Variants in PHLPP2 observed in about 807,000 individuals in gnomAD.
PHLPP2 encodes the protein PH domain and leucine rich repeat protein phosphatase 2.
A neutral mutation model predicts 124.9 loss-of-function variants in PHLPP2; 66 were observed. That is an observed-to-expected ratio of 0.53 (90% CI 0.43 to 0.65). PHLPP2 has a LOEUF of 0.65. PHLPP2 is among the 30% of genes least tolerant of loss of function. The probability of loss-of-function intolerance (pLI) is 0.00; values close to 1 mark genes in which losing one functional copy is unlikely to be tolerated. For missense variants in PHLPP2, 1,685 were observed against 1,600.4 expected (o/e 1.05, Z -0.90); for synonymous variants, 681 against 624.7 (o/e 1.09, Z -1.34).
chr16:71,650,815 A>G (rs2044690737), intron 18 of PHLPP2, among the ~76,000 whole-genome samples: 1 of 152,242 alleles, frequency 6.6e-6, no homozygotes, highest in Non-Finnish European at 1.5e-5. Context: ...AATTTGTCAT[A>G]AACTCTAAAC....
intron 1 of PHLPP2, among the ~76,000 whole-genome samples, chr16:71,721,289 G>A (rs1172015022): frequency 9.9e-5 from 15 of 151,788 alleles, no homozygotes; most frequent in Non-Finnish European, 2.9e-5. Flanking sequence ...GCCTGGGCAA[G>A]AGAGAGGCTC....
intron 16 of PHLPP2, among the ~76,000 whole-genome samples, chr16:71,656,185 T>C (rs1333546232): frequency 1.3e-5 from 2 of 152,152 alleles, no homozygotes; most frequent in Non-Finnish European, 2.9e-5. Flanking sequence ...GACTTTGGTT[T>C]GGTCACTTTG....
At chr16:71,655,103 G>T (rs1200261021) in intron 17 of PHLPP2, 137 bp downstream of exon 17, 8 of 654,774 alleles carry the variant, frequency 1.2e-5, no homozygotes, top group Non-Finnish European at 1.9e-5. Context: ...CTCATATAGA[G>T]AATGATCATA....
intron 1 of PHLPP2, among the ~76,000 whole-genome samples, chr16:71,722,311 G>A (rs2045403462): frequency 6.6e-6 from 1 of 152,108 alleles, no homozygotes. Context: ...GCGGGTGCCC[G>A]TGATCCTAGC....
Position 71,667,133 on chromosome 16 carries a change from T to C in PHLPP2, c.1784+45A>G, listed in dbSNP as rs749896790. The C allele has an allele frequency of 4.6e-6, 7 of 1,522,308 alleles. No homozygotes were observed. The Admixed American group carries it at 7.0e-5, about 15-fold the overall frequency. The allele number at this position is 1,522,308 out of a possible 1,614,324, so 94.3% of individuals were successfully genotyped here. A position where few individuals can be genotyped will look rare whatever the true frequency, so the allele number is the denominator to read the frequency against. On this transcript the variant is annotated intron_variant, in intron 12 of 18. Coordinates refer to ENST00000568954, the MANE Select transcript of PHLPP2 (RefSeq NM_015020.3). ...CAATGATAAGTCACTGCAGTCTGTT[T>C]AGCCAATGATTCTGCTCTTCCGAAA...
rs1368355946 is a variant in PHLPP2, at chr16:71,648,768, C to G, written c.*122G>C. ...CCTGAGCGACTGAGCAAGACTCCGT[C>G]TCAAAACAAACAAACAAAAAAAAAA... On this transcript the variant is annotated 3_prime_UTR_variant, in exon 19 of 19. Coordinates refer to ENST00000568954, the MANE Select transcript of PHLPP2 (RefSeq NM_015020.3). The G allele has an allele frequency of 1.3e-6, 1 of 768,850 alleles. No homozygotes were observed. Among genetic ancestry groups the G allele is most frequent in the Admixed American group, 2.3e-5 (1 of 42,636 alleles). The allele number at this position is 768,850 out of a possible 1,614,324, so 47.6% of individuals were successfully genotyped here. A position where few individuals can be genotyped will look rare whatever the true frequency, so the allele number is the denominator to read the frequency against.
chr16:71,709,741 T>C (rs2045311256), intron 2 of PHLPP2, among the ~76,000 whole-genome samples: 1 of 152,242 alleles, frequency 6.6e-6, no homozygotes, highest in African/African-American at 2.4e-5. Flanking sequence ...CTGTTTTCAC[T>C]GAGGGAAATG....
At chr16:71,692,822 GTT>G (rs10689621) in intron 3 of PHLPP2, among the ~76,000 whole-genome samples, 16 of 151,790 alleles carry the variant, frequency 1.1e-4, no homozygotes, top group South Asian at 2.1e-4. Context: ...ATTTTTCTTT[GTT>G]TTTTTATTTT....
intron 17 of PHLPP2, among the ~76,000 whole-genome samples, chr16:71,654,090 G>A (rs1477415464): frequency 2.0e-5 from 3 of 151,380 alleles, no homozygotes; most frequent in African/African-American, 4.8e-5. Context: ...AGCTACTCGG[G>A]AGGCTGAGGC....
intron 6 of PHLPP2, 123 bp downstream of exon 6, chr16:71,681,628 C>T (rs897406976): frequency 2.9e-6 from 2 of 690,850 alleles, no homozygotes; most frequent in Non-Finnish European, 4.6e-6. Flanking sequence ...AACATTTTTA[C>T]TTCCTCTTCA....
rs1363894924 is a variant in PHLPP2, at chr16:71,647,355, CTTTCTTATG to C, written c.*1526_*1534del. On this transcript the variant is annotated 3_prime_UTR_variant, in exon 19 of 19. Transcript: ENST00000568954. Reference sequence around the variant, plus strand: ...GCTTAAGAATTTCTCAATGAAGTGTCTTTCTTATGTTAGTATTGAGCCCAGTATTCTGAA... The same window carrying C: ...GCTTAAGAATTTCTCAATGAAGTGTCTTAGTATTGAGCCCAGTATTCTGAA... 2.5e-5 allele frequency: 3 copies of C among 118,812 alleles called. No individual in the cohort carries two copies. The highest frequency in any genetic ancestry group is 3.9e-5 in the Non-Finnish European group (2 of 51,128). 7.4% of individuals were successfully genotyped at this position (118,812 alleles called of 1,614,324 possible).
chr16:71,669,244 A>G, intron 11 of PHLPP2, 31 bp downstream of exon 11: 1 of 1,421,020 alleles, frequency 7.0e-7, no homozygotes, highest in Non-Finnish European at 9.9e-7. Context: ...ATGTTAGTAT[A>G]TACATAATAT....
At chr16:71,723,725 C>T (rs1050182466) in intron 1 of PHLPP2, 2 of 982,158 alleles carry the variant, frequency 2.0e-6, no homozygotes, top group African/African-American at 1.8e-5. Context: ...GTCCGCTTGC[C>T]CGCTCGCCCG....
At chr16:71,705,693 G>T (rs2045268745) in intron 2 of PHLPP2, among the ~76,000 whole-genome samples, 1 of 151,956 alleles carries the variant, frequency 6.6e-6, no homozygotes, top group Non-Finnish European at 1.5e-5. Context: ...TGTATTTTTA[G>T]TAGGGACAGG....
chr16:71,711,268 T>G (rs371646558), intron 2 of PHLPP2, among the ~76,000 whole-genome samples: 31 of 151,456 alleles, frequency 2.0e-4, no homozygotes, highest in East Asian at 5.8e-4. Flanking sequence ...GAGGCAGAGG[T>G]TGCAGTGAGC....
intron 3 of PHLPP2, chr16:71,698,751 A>G (rs779507893): frequency 1.9e-5 from 5 of 263,680 alleles, no homozygotes; most frequent in Non-Finnish European, 3.8e-5. Context: ...TACCTACTCA[A>G]CTTGACTTTA....
intron 4 of PHLPP2, among the ~76,000 whole-genome samples, chr16:71,685,929 T>C (rs1431763459): frequency 6.6e-6 from 1 of 152,202 alleles, no homozygotes; most frequent in East Asian, 1.9e-4. Context: ...GTTCCTTTTA[T>C]CATTTTGTAA....
At chr16:71,668,415 CAAAAAAAAAAAAAAA>C (rs34860764) in intron 11 of PHLPP2, among the ~76,000 whole-genome samples, 6 of 26,944 alleles carry the variant, frequency 2.2e-4, no homozygotes, top group African/African-American at 8.2e-4. Flanking sequence ...GACTCTGTCT[CAAAAAAAAAAAAAAA>C]AAAAAAAAAA....
intron 2 of PHLPP2, among the ~76,000 whole-genome samples, chr16:71,709,742 G>A (rs994514700): frequency 3.3e-5 from 5 of 152,222 alleles, no homozygotes; most frequent in Non-Finnish European, 7.3e-5. Flanking sequence ...TGTTTTCACT[G>A]AGGGAAATGG....
Sources: gnomAD v4.1 joint callset for allele counts (sites outside exome capture counted in the v4.1 genomes callset) on GRCh38, gnomAD v4.1.1 for gene constraint, MANE v1.5 for transcripts, NCBI Gene and HGNC (gene_info 2026-07-23, HGNC 2026-07-21) for gene names.